SCEL: variants seen among roughly 807,000 people sequenced by gnomAD.
The protein encoded by SCEL is sciellin.
In SCEL, 113 loss-of-function variants were observed where a neutral mutation model predicts 117.6. That is an observed-to-expected ratio of 0.96 (90% CI 0.83 to 1.12). The LOEUF (loss-of-function observed/expected upper bound fraction) is 1.12, where lower values mean the gene tolerates loss of function less well. SCEL is among the 50% of genes most tolerant of loss of function. The pLI is 0.00. For synonymous variants in SCEL, 270 were observed against 256.2 expected, an observed-to-expected ratio of 1.05 and a Z score of -0.51; for missense variants, 785 against 810.8, an observed-to-expected ratio of 0.97 and a Z score of 0.39.
At chr13:77,589,073 C>T (rs185378887) in intron 9 of SCEL, 71 bp from the exon 10 acceptor site, 37 of 1,081,332 alleles carry the variant, frequency 3.4e-5, no homozygotes, top group Non-Finnish European at 5.2e-5. Context: ...GCAATAAATG[C>T]ATTCAGTTAA....
intron 12 of SCEL, among the ~76,000 whole-genome samples, chr13:77,595,619 C>T (rs2087179976): frequency 2.0e-5 from 3 of 151,790 alleles, no homozygotes; most frequent in Non-Finnish European, 1.5e-5. Flanking sequence ...TTATAGGACT[C>T]GTGGGTTTGC....
At chr13:77,638,684 G>A (rs1484461856) in intron 30 of SCEL, among the ~76,000 whole-genome samples, 1 of 152,076 alleles carries the variant, frequency 6.6e-6, no homozygotes, top group Non-Finnish European at 1.5e-5. Context: ...TCTTATTTAA[G>A]CACGTCAATC....
intron 1 of SCEL, among the ~76,000 whole-genome samples, chr13:77,543,373 G>A (rs1004717886): frequency 2.0e-4 from 30 of 152,186 alleles, no homozygotes; most frequent in Non-Finnish European, 2.2e-4. Flanking sequence ...GTGAGCCACC[G>A]CGCCCGGCCA....
intron 27 of SCEL, among the ~76,000 whole-genome samples, chr13:77,622,162 G>T (rs2089456494): frequency 1.3e-5 from 2 of 152,140 alleles, no homozygotes; most frequent in Non-Finnish European, 2.9e-5. Flanking sequence ...TGGCGTAAAA[G>T]GAATACCATA....
intron 5 of SCEL, among the ~76,000 whole-genome samples, chr13:77,566,081 C>T (rs2154396982): frequency 6.6e-6 from 1 of 152,304 alleles, no homozygotes; most frequent in Non-Finnish European, 1.5e-5. Context: ...TTAGAGTTCT[C>T]TCCATTACCA....
At chr13:77,567,122 C>T (rs1006224864) in intron 5 of SCEL, among the ~76,000 whole-genome samples, 2 of 152,080 alleles carry the variant, frequency 1.3e-5, no homozygotes, top group African/African-American at 4.8e-5. Context: ...GTTAAATGCT[C>T]AATGAGTCAG....
chr13:77,548,670 G>A (rs1047926449), intron 1 of SCEL, among the ~76,000 whole-genome samples: 6 of 152,306 alleles, frequency 3.9e-5, no homozygotes, highest in African/African-American at 1.4e-4. Context: ...AATCATGGAG[G>A]CACGGTTTTT....
At chr13:77,600,484 G>A (rs545921015) in intron 15 of SCEL, among the ~76,000 whole-genome samples, 1 of 152,132 alleles carries the variant, frequency 6.6e-6, no homozygotes, top group South Asian at 2.1e-4. Context: ...TCTTAGTTGG[G>A]TCATTTCATA....
At chr13:77,553,012 T>C (rs1356383775) in intron 1 of SCEL, among the ~76,000 whole-genome samples, 1 of 152,212 alleles carries the variant, frequency 6.6e-6, no homozygotes, top group Admixed American at 6.5e-5. Context: ...AAAGATCAGA[T>C]AGTTGTAGAT....
At chr13:77,632,422 G>A (rs1460167959) in intron 28 of SCEL, among the ~76,000 whole-genome samples, 2 of 152,050 alleles carry the variant, frequency 1.3e-5, no homozygotes, top group Non-Finnish European at 2.9e-5. Context: ...TGTTATTCTT[G>A]GGATGACATA....
chr13:77,627,644 A>AT (rs908497558), intron 27 of SCEL, among the ~76,000 whole-genome samples: 43 of 152,242 alleles, frequency 2.8e-4, no homozygotes, highest in African/African-American at 1.0e-3. Context: ...TTATACATCA[A>AT]TAAAAAAAGA....
chr13:77,537,346 G>A (rs1013780563), intron 1 of SCEL, among the ~76,000 whole-genome samples: 2 of 152,136 alleles, frequency 1.3e-5, no homozygotes, highest in Non-Finnish European at 2.9e-5. Context: ...ACCAGAGCAC[G>A]ATGCCAGATT....
chr13:77,561,717 A>G (rs1431872526), intron 4 of SCEL, among the ~76,000 whole-genome samples: 5 of 152,228 alleles, frequency 3.3e-5, no homozygotes, highest in Non-Finnish European at 5.9e-5. Context: ...GTGCTATAGT[A>G]GAGGTGTGTG....
Position 77,589,229 on chromosome 13 carries a change from G to T in SCEL, c.626+5G>T, listed in dbSNP as rs759637344. On this transcript the variant is annotated splice_donor_5th_base_variant and intron_variant, in intron 10 of 32. Coordinates refer to ENST00000349847, the MANE Select transcript of SCEL (RefSeq NM_144777.3). ...CCAGCTGAGACAGGATAATAGGTAAGACCTAGTACTCCAGAATTTCTTGAC... is the reference window on the plus strand; with the variant it reads ...CCAGCTGAGACAGGATAATAGGTAATACCTAGTACTCCAGAATTTCTTGAC... 1.3e-6 allele frequency: 2 copies of T among 1,591,282 alleles called. No individual in the cohort carries two copies. The highest frequency in any genetic ancestry group is 1.7e-6 in the Non-Finnish European group (2 of 1,161,038).
chr13:77,576,316 T>C (rs201057817), intron 9 of SCEL, among the ~76,000 whole-genome samples: 3 of 151,854 alleles, frequency 2.0e-5, no homozygotes, highest in African/African-American at 7.3e-5. Context: ...ACCAGCACAC[T>C]CCAACACACT....
intron 11 of SCEL, among the ~76,000 whole-genome samples, chr13:77,592,850 C>T (rs550703367): frequency 6.6e-6 from 1 of 152,236 alleles, no homozygotes; most frequent in Admixed American, 6.5e-5. Context: ...CAGGTGTGAA[C>T]CACCACACCC....
chr13:77,567,205 G>A (rs1226386757), intron 5 of SCEL, among the ~76,000 whole-genome samples: 1 of 152,208 alleles, frequency 6.6e-6, no homozygotes, highest in Non-Finnish European at 1.5e-5. Flanking sequence ...TGTAATCTCA[G>A]CACTTTAGGA....
At chr13:77,568,607 T>C (rs2085419598) in intron 7 of SCEL, among the ~76,000 whole-genome samples, 2 of 152,202 alleles carry the variant, frequency 1.3e-5, no homozygotes, top group African/African-American at 4.8e-5. Context: ...TCTAGACTCC[T>C]TATTTTTTCC....
At position 77,559,813 on chromosome 13, in the gene SCEL, T is replaced by G. The variant is rs1357268966; in HGVS notation, c.171T>G (p.Asn57Lys). Residue 57 changes from asparagine to lysine, a missense_variant, in exon 4 of 33, where the codon AAT (asparagine) becomes AAG (lysine). Transcript: ENST00000349847. ...KKRPEEEKDE[N>K]YGRVVLNRHN... ...TGTTCTTTCTTTGCAGAGATGAAAATTACGGTAGGGTGGTGCTCAACCGAC... is the reference window on the plus strand; with the variant it reads ...TGTTCTTTCTTTGCAGAGATGAAAAGTACGGTAGGGTGGTGCTCAACCGAC... 5.6e-6 allele frequency: 9 copies of G among 1,613,518 alleles called. No homozygotes were observed. In the Admixed American group the frequency reaches 1.5e-4, roughly 27 times the overall value.
Sources: allele counts gnomAD v4.1 joint callset (sites outside exome capture counted in the v4.1 genomes callset), GRCh38; gene constraint gnomAD v4.1.1; transcripts MANE v1.5; gene names NCBI Gene and HGNC (gene_info 2026-07-23, HGNC 2026-07-21).